Variants in DNAH6 observed in about 807,000 individuals in gnomAD.
The protein encoded by DNAH6 is axonemal beta dynein heavy chain 6.
DNAH6 carries 340 observed loss-of-function variants against 491.4 expected under a neutral mutation model. The observed-to-expected ratio is 0.69, with a 90% CI of 0.63 to 0.76. DNAH6 has a LOEUF of 0.76. Among genes scored for constraint, DNAH6 ranks in the 30% least tolerant of loss-of-function variants. DNAH6 has a pLI of 0.00. For synonymous variants in DNAH6, 1,603 were observed against 1,686.1 expected (o/e 0.95, Z 1.21); for missense variants, 4,443 against 4,972.2 (o/e 0.89, Z 3.20).
Position 84,710,161 on chromosome 2 carries a change from C to T in DNAH6, c.9253-126C>T, listed in dbSNP as rs1573563239. 4 of 1,235,470 alleles carry T rather than the reference C, an allele frequency of 3.2e-6. No homozygotes were observed. In the African/African-American group the frequency reaches 4.6e-5, roughly 14 times the overall value. 76.5% of individuals were successfully genotyped at this position (1,235,470 alleles called of 1,614,324 possible). A position where few individuals can be genotyped will look rare whatever the true frequency, so the allele number is the denominator to read the frequency against. ...TTTATTGTCGGGGGACAGGGGAGTA[C>T]AGTTTATATATTTCAAATTTGTTTC... On this transcript the variant is annotated intron_variant, in intron 55 of 76. Coordinates refer to ENST00000389394, the MANE Select transcript of DNAH6 (RefSeq NM_001370.2).
chr2:84,502,423 T>A, the DNAH6 span, among the ~76,000 whole-genome samples: 1 of 152,182 alleles, frequency 6.6e-6, no homozygotes, highest in African/African-American at 2.4e-5. Flanking sequence ...TTCAGGCTTG[T>A]CTTGTGACCT....
chr2:84,705,371 A>G, intron 51 of DNAH6, 115 bp from the exon 52 acceptor site: 1 of 1,056,244 alleles, frequency 9.5e-7, no homozygotes, highest in East Asian at 2.6e-5. Flanking sequence ...TATAGTACCA[A>G]GATTAAAATT....
intron 10 of DNAH6, among the ~76,000 whole-genome samples, chr2:84,555,235 C>T (rs1269331368): frequency 6.6e-6 from 1 of 152,084 alleles, no homozygotes; most frequent in Non-Finnish European, 1.5e-5. Context: ...GCTTAGGTTA[C>T]CTATCGTTTC....
chr2:84,798,703 C>T (rs987873695), intron 70 of DNAH6, among the ~76,000 whole-genome samples: 2 of 152,196 alleles, frequency 1.3e-5, no homozygotes, highest in African/African-American at 2.4e-5. Context: ...CCTCTGAGGC[C>T]GCTCCTGTGG....
chr2:84,722,892 G>A (rs1182653775), intron 60 of DNAH6, 88 bp downstream of exon 60: 2 of 839,472 alleles, frequency 2.4e-6, no homozygotes, highest in African/African-American at 1.8e-5. Flanking sequence ...TAAGCCATAA[G>A]TCTAGTTATC....
chr2:84,661,296 T>G (rs1020889345), intron 37 of DNAH6, among the ~76,000 whole-genome samples: 4 of 152,064 alleles, frequency 2.6e-5, no homozygotes, highest in Non-Finnish European at 5.9e-5. Context: ...TATCCTCTAT[T>G]ACAACTTTTA....
At chr2:84,537,166 TA>T (rs984271757) in intron 4 of DNAH6, among the ~76,000 whole-genome samples, 1 of 151,984 alleles carries the variant, frequency 6.6e-6, no homozygotes, top group Admixed American at 6.6e-5. Flanking sequence ...CTCAATAACC[TA>T]AAAAACGTAA....
chr2:84,706,670 A>G (rs1011342273), intron 52 of DNAH6, among the ~76,000 whole-genome samples: 3 of 152,120 alleles, frequency 2.0e-5, no homozygotes, highest in Non-Finnish European at 4.4e-5. Flanking sequence ...TTTCTCTATT[A>G]TGATTTATTT....
chr2:84,719,377 A>G (rs1256662725), intron 59 of DNAH6, among the ~76,000 whole-genome samples: 1 of 151,992 alleles, frequency 6.6e-6, no homozygotes, highest in African/African-American at 2.4e-5. Flanking sequence ...GTACATGCCA[A>G]CTCTTTAAAG....
At chr2:84,680,684 A>T (rs1304599742) in intron 41 of DNAH6, among the ~76,000 whole-genome samples, 1 of 151,944 alleles carries the variant, frequency 6.6e-6, no homozygotes, top group Non-Finnish European at 1.5e-5. Flanking sequence ...ACCAGCAGGG[A>T]GACCAGAATG....
chr2:84,551,215 T>G (rs1317307559), intron 9 of DNAH6, among the ~76,000 whole-genome samples: 2 of 152,238 alleles, frequency 1.3e-5, no homozygotes, highest in Non-Finnish European at 2.9e-5. Flanking sequence ...TGAACTCCTT[T>G]TCATAGCTTT....
At chr2:84,522,516 T>C (rs1253921920) in intron 2 of DNAH6, among the ~76,000 whole-genome samples, 1 of 152,140 alleles carries the variant, frequency 6.6e-6, no homozygotes, top group Non-Finnish European at 1.5e-5. Flanking sequence ...CTATGTAGAA[T>C]AGGAGTGGTG....
At chr2:84,609,181 A>G (rs1686067374) in intron 21 of DNAH6, among the ~76,000 whole-genome samples, 1 of 152,186 alleles carries the variant, frequency 6.6e-6, no homozygotes, top group Non-Finnish European at 1.5e-5. Context: ...AAACCATTCA[A>G]ACTTTCTCTA....
intron 68 of DNAH6, among the ~76,000 whole-genome samples, chr2:84,792,324 CAGA>C (rs1222069657): frequency 3.9e-5 from 6 of 152,120 alleles, no homozygotes; most frequent in Non-Finnish European, 8.8e-5. Flanking sequence ...TACAGTTAAT[CAGA>C]AGGTATTTTG....
the DNAH6 span, among the ~76,000 whole-genome samples, chr2:84,510,218 G>T: frequency 3.3e-5 from 5 of 152,196 alleles, no homozygotes; most frequent in Non-Finnish European, 7.3e-5. Flanking sequence ...ACAAAAATCA[G>T]ACGTAGATTT....
intron 76 of DNAH6, 92 bp downstream of exon 76, chr2:84,816,175 C>T (rs1243298899): frequency 3.0e-6 from 3 of 998,694 alleles, no homozygotes; most frequent in Non-Finnish European, 4.4e-6. Flanking sequence ...TCAAGATCTC[C>T]CTTGGGCCAA....
At chr2:84,812,114 T>C (rs1461169762) in intron 72 of DNAH6, among the ~76,000 whole-genome samples, 1 of 152,220 alleles carries the variant, frequency 6.6e-6, no homozygotes, top group Non-Finnish European at 1.5e-5. Flanking sequence ...TCCACTGCAC[T>C]GGACTCTGCT....
chr2:84,635,042 C>G (rs1688740807), intron 30 of DNAH6, among the ~76,000 whole-genome samples: 1 of 152,146 alleles, frequency 6.6e-6, no homozygotes, highest in African/African-American at 2.4e-5. Context: ...TGAGGGCCCC[C>G]ACTACTCCCT....
At chr2:84,792,650 T>C (rs1677882554) in intron 68 of DNAH6, among the ~76,000 whole-genome samples, 1 of 152,188 alleles carries the variant, frequency 6.6e-6, no homozygotes, top group Non-Finnish European at 1.5e-5. Context: ...TGGAGGGCAG[T>C]TGTGTCTTCA....
Sources: gnomAD v4.1 joint callset for allele counts (sites outside exome capture counted in the v4.1 genomes callset) on GRCh38, gnomAD v4.1.1 for gene constraint, MANE v1.5 for transcripts, NCBI Gene and HGNC (gene_info 2026-07-23, HGNC 2026-07-21) for gene names.